Variants in ADAMTSL3 observed in about 807,000 individuals in gnomAD.
The protein encoded by ADAMTSL3 is ADAMTS-like protein 3.
A neutral mutation model predicts 201.7 loss-of-function variants in ADAMTSL3; 128 were observed. The ratio of observed to expected loss-of-function variants is 0.63; its 90% CI spans 0.55 to 0.73. The LOEUF is 0.73. Ranked by LOEUF, ADAMTSL3 falls within the 30% of genes least tolerant of loss-of-function variation. The pLI, the probability that ADAMTSL3 is intolerant of heterozygous loss-of-function variation, is 0.00. For synonymous variants in ADAMTSL3, 738 were observed against 748.4 expected (o/e 0.99, Z 0.23); for missense variants, 1,990 against 2,119.6 (o/e 0.94, Z 1.20).
At chr15:83,895,057 A>G (rs903141288) in intron 13 of ADAMTSL3, among the ~76,000 whole-genome samples, 1 of 152,168 alleles carries the variant, frequency 6.6e-6, no homozygotes, top group Non-Finnish European at 1.5e-5. Flanking sequence ...CTTTGCATGT[A>G]TACACTGGGA....
chr15:84,025,375 G>A lies in ADAMTSL3; in HGVS notation c.4595G>A (p.Arg1532Gln), dbSNP rs143304781. 44 of 1,613,964 alleles carry A rather than the reference G, an allele frequency of 2.7e-5. 1 individual carries two copies. Among genetic ancestry groups the A allele is most frequent in the African/African-American group, 9.3e-5 (7 of 74,908 alleles). Reference protein sequence around the residue: ...VSPRACAPKDRPLGRKPCFGH... With the variant: ...VSPRACAPKDQPLGRKPCFGH... ...CCAAGAGCATGTGCCCCTAAAGACC[G>A]GCCTCTGGGAAGAAAACCATGTTTT... The change falls in exon 27 of 30, where the codon CGG becomes CAG. Residue 1532 changes from arginine to glutamine, a missense_variant. Coordinates refer to ENST00000286744, the MANE Select transcript of ADAMTSL3 (RefSeq NM_207517.3).
intron 4 of ADAMTSL3, among the ~76,000 whole-genome samples, chr15:83,801,658 ATAT>A (rs1567154036): frequency 0.026 from 1,812 of 68,806 alleles, 191 homozygotes; most frequent in African/African-American, 0.078. Context: ...ATAAATATAT[ATAT>A]ATATATATAT....
chr15:83,766,950 C>T (rs1308675448), intron 3 of ADAMTSL3, among the ~76,000 whole-genome samples: 1 of 152,004 alleles, frequency 6.6e-6, no homozygotes, highest in African/African-American at 2.4e-5. Flanking sequence ...AAAAACAGGC[C>T]GGACGTGGTG....
chr15:83,869,715 C>T (rs2065046662), intron 8 of ADAMTSL3, among the ~76,000 whole-genome samples: 1 of 152,164 alleles, frequency 6.6e-6, no homozygotes, highest in Admixed American at 6.5e-5. Context: ...ATTTTTGACA[C>T]TCAACGGAGT....
intron 3 of ADAMTSL3, among the ~76,000 whole-genome samples, chr15:83,769,900 T>C (rs1197247425): frequency 6.6e-6 from 1 of 152,056 alleles, no homozygotes; most frequent in African/African-American, 2.4e-5. Context: ...GTTTCTTTCA[T>C]AAACTTTGCT....
At chr15:83,978,934 A>C (rs963363962) in intron 20 of ADAMTSL3, among the ~76,000 whole-genome samples, 16 of 152,228 alleles carry the variant, frequency 1.1e-4, no homozygotes, top group African/African-American at 3.4e-4. Flanking sequence ...CCACCACCTG[A>C]GGCTTCATGG....
intron 5 of ADAMTSL3, among the ~76,000 whole-genome samples, chr15:83,814,932 A>G (rs1047185975): frequency 4.6e-5 from 7 of 152,156 alleles, no homozygotes; most frequent in African/African-American, 1.7e-4. Context: ...GCTTCTATAC[A>G]TAAGTTGCCC....
At chr15:84,003,270 C>T (rs2067832994) in intron 23 of ADAMTSL3, among the ~76,000 whole-genome samples, 2 of 151,970 alleles carry the variant, frequency 1.3e-5, no homozygotes, top group Admixed American at 1.3e-4. Context: ...TTCTTGGTTA[C>T]CATATTTCTG....
rs758611330 is a variant in ADAMTSL3 at position 83,970,665 on chromosome 15, A to G, written c.2644+28A>G. ...AAGTATGCGGTGTCCGCGCTTCACC[A>G]AGATATGCTGATTCTGTTCATTTTG... is the stretch of plus-strand genomic sequence containing the variant. On this transcript the variant is annotated intron_variant, in intron 20 of 29. Coordinates refer to ENST00000286744, the MANE Select transcript of ADAMTSL3 (RefSeq NM_207517.3). The G allele has an allele frequency of 2.5e-6, 4 of 1,611,188 alleles. No homozygotes were observed. In the Admixed American group the frequency reaches 5.0e-5, roughly 20 times the overall value.
rs150431968 is a variant in ADAMTSL3, at chr15:83,869,336, A to G, written c.803-1466A>G. Among the ~76,000 whole-genome samples, 1,193 of 152,194 alleles carry G rather than the reference A, an allele frequency of 7.8e-3. 20 individuals carry two copies. Among genetic ancestry groups the G allele is most frequent in the African/African-American group, 0.027 (1,134 of 41,512 alleles). On this transcript the variant is annotated intron_variant, in intron 8 of 29. Coordinates refer to ENST00000286744, the MANE Select transcript of ADAMTSL3 (RefSeq NM_207517.3). ...CACTCAGTTTTATATCTTCATTGGA[A>G]CTAGGAAATGAATTTAATCTCACAC...
intron 4 of ADAMTSL3, among the ~76,000 whole-genome samples, chr15:83,780,535 C>A (rs2063151545): frequency 6.6e-6 from 1 of 152,126 alleles, no homozygotes; most frequent in South Asian, 2.1e-4. Context: ...TGGAAGCATT[C>A]CCCTTGAATA....
rs767595584 is a variant in ADAMTSL3, at chr15:83,942,654, C to T, written c.2176C>T (p.Arg726Ter). 10 of 1,613,938 alleles carry T rather than the reference C, an allele frequency of 6.2e-6. No homozygotes were observed. Among genetic ancestry groups the T allele is most frequent in the Non-Finnish European group, 7.6e-6 (9 of 1,179,994 alleles). ...SATCGVGIQT[R>*]DVYCLHPGET... The stretch of plus-strand genomic sequence containing the variant: ...TACCTGTGGAGTTGGAATTCAGACC[C>T]GAGATGTGTACTGCCTGCACCCAGG... The change falls in exon 18 of 30, where the codon CGA (arginine) becomes TGA (stop). Residue 726 changes from arginine (R) to a stop codon, truncating the protein, a stop_gained. Coordinates refer to ENST00000286744, the MANE Select transcript of ADAMTSL3 (RefSeq NM_207517.3). LOFTEE classifies it high-confidence loss of function.
intron 3 of ADAMTSL3, among the ~76,000 whole-genome samples, chr15:83,706,869 A>C: frequency 6.7e-6 from 1 of 149,972 alleles, no homozygotes. Flanking sequence ...AGGTTTTGCT[A>C]TGTTGACCAG....
chr15:83,971,570 A>AG (rs1386423727), intron 20 of ADAMTSL3, among the ~76,000 whole-genome samples: 1 of 147,626 alleles, frequency 6.8e-6, no homozygotes, highest in African/African-American at 2.4e-5. Context: ...AAAAAAAAAA[A>AG]AAAAAAAGAA....
chr15:84,019,076 T>C (rs28582865), intron 25 of ADAMTSL3, among the ~76,000 whole-genome samples: 663 of 139,160 alleles, frequency 4.8e-3, no homozygotes, highest in African/African-American at 5.3e-3. Flanking sequence ...CACACACACA[T>C]ACACACACAC....
intron 21 of ADAMTSL3, among the ~76,000 whole-genome samples, chr15:83,984,798 AAAAGAAG>A (rs1169340711): frequency 2.0e-5 from 3 of 152,352 alleles, no homozygotes; most frequent in Non-Finnish European, 4.4e-5. Flanking sequence ...CTGGTATAAT[AAAAGAAG>A]ACAGCTGGAT....
At chr15:83,735,499 T>C (rs1453671462) in intron 3 of ADAMTSL3, among the ~76,000 whole-genome samples, 1 of 152,190 alleles carries the variant, frequency 6.6e-6, no homozygotes, top group African/African-American at 2.4e-5. Flanking sequence ...CTCTTTAATC[T>C]TCTTTCCAGA....
chr15:83,852,897 C>T (rs1390165361), intron 7 of ADAMTSL3, among the ~76,000 whole-genome samples: 1 of 152,064 alleles, frequency 6.6e-6, no homozygotes, highest in Non-Finnish European at 1.5e-5. Context: ...CACTCTGTCG[C>T]CCAGGCTGGA....
intron 13 of ADAMTSL3, among the ~76,000 whole-genome samples, chr15:83,895,409 C>T (rs915714572): frequency 1.3e-5 from 2 of 152,212 alleles, no homozygotes; most frequent in Non-Finnish European, 2.9e-5. Flanking sequence ...TTATATCACT[C>T]TCCATCCCCA....
Sources: allele counts gnomAD v4.1 joint callset (sites outside exome capture counted in the v4.1 genomes callset), GRCh38; gene constraint gnomAD v4.1.1; transcripts MANE v1.5; gene names NCBI Gene and HGNC (gene_info 2026-07-23, HGNC 2026-07-21).